DST: variants seen among roughly 807,000 people sequenced by gnomAD.
DST encodes the protein dystonin.
Under a neutral mutation model 875.2 loss-of-function variants are expected in DST, and 253 were observed. The observed-to-expected ratio is 0.29, with a 90% CI of 0.26 to 0.32. The LOEUF (loss-of-function observed/expected upper bound fraction) is 0.32, where lower values mean the gene tolerates loss of function less well. Ranked by LOEUF, DST falls within the 10% of genes least tolerant of loss-of-function variation. DST has a pLI of 1.00. For synonymous variants in DST, 3,124 were observed against 3,197.1 expected (o/e 0.98, Z 0.77); for missense variants, 8,287 against 9,111.6 (o/e 0.91, Z 3.68).
chr6:56,745,004 T>C (rs566389268), intron 4 of DST, among the ~76,000 whole-genome samples: 1 of 152,312 alleles, frequency 6.6e-6, no homozygotes, highest in East Asian at 1.9e-4. Context: ...CTGTGACTTA[T>C]CTCTGTGGAA....
chr6:56,492,478 G>A, intron 84 of DST, 45 bp from the exon 85 acceptor site: 1 of 1,556,810 alleles, frequency 6.4e-7, no homozygotes, highest in Middle Eastern at 1.8e-4. Flanking sequence ...ATGAAAATCA[G>A]ATCAATCTTA....
chr6:56,733,858 CACA>C (rs1468178760), intron 5 of DST, among the ~76,000 whole-genome samples: 1 of 151,792 alleles, frequency 6.6e-6, no homozygotes, highest in Non-Finnish European at 1.5e-5. Flanking sequence ...TTCTTGGAGT[CACA>C]ACAAGGGTGA....
rs569544365 is a variant in DST, at chr6:56,477,038, C to T, written c.21675+307G>A. Among the ~76,000 whole-genome samples, 419 of 152,132 alleles carry T rather than the reference C, an allele frequency of 2.8e-3. 1 individual carries two copies. The highest frequency in any genetic ancestry group is 8.9e-3 in the African/African-American group (368 of 41,508). ...TTCACTCCACCAGTATATACTGCTC[C>T]GAAACACCATCCAACTGCTGGATTA... is the stretch of plus-strand genomic sequence containing the variant. On this transcript the variant is annotated intron_variant, in intron 91 of 103. Coordinates refer to ENST00000680361, the MANE Select transcript of DST (RefSeq NM_001374736.1).
At chr6:56,617,504 G>T in intron 36 of DST, 1 of 1,229,092 alleles carries the variant, frequency 8.1e-7, no homozygotes, top group South Asian at 1.2e-5. Flanking sequence ...ATAATTCTTT[G>T]AATTACAAAG....
In DST at chr6:56,492,995, T is replaced by C. The variant is rs757282840; in HGVS notation, c.20489A>G (p.Asn6830Ser). ...GATGAGACTTGGCCGAGAAGCTACA[T>C]TTAGGGTCTGTTCAGCCTGAGTAAG... ...NWLTQAEQTL[N>S]VASRPSLILD... The change falls in exon 84 of 104, where the codon AAT (asparagine) becomes AGT (serine). Residue 6830 changes from asparagine (N) to serine (S), a missense_variant. Around this residue, in one of 10 missense-constraint regions of DST, gnomAD observed 1,292 missense variants for 1,552.7 expected, o/e 0.83. Coordinates refer to ENST00000680361, the MANE Select transcript of DST (RefSeq NM_001374736.1). 3 of 1,612,640 alleles carry C rather than the reference T, an allele frequency of 1.9e-6. No homozygotes were observed. Among genetic ancestry groups the C allele is most frequent in the East Asian group, 4.5e-5 (2 of 44,858 alleles).
intron 3 of DST, among the ~76,000 whole-genome samples, chr6:56,894,564 G>A (rs1195619015): frequency 4.6e-4 from 25 of 54,678 alleles, no homozygotes; most frequent in South Asian, 1.1e-3. Context: ...GGACGGGGCG[G>A]CTGGCCGGGC....
At chr6:56,791,852 G>T (rs1470306628) in intron 4 of DST, among the ~76,000 whole-genome samples, 1 of 151,054 alleles carries the variant, frequency 6.6e-6, no homozygotes, top group East Asian at 1.9e-4. Context: ...CCTATTGAAA[G>T]GGTATGGATA....
chr6:56,913,413 C>G lies in DST; in HGVS notation c.217-12792G>C, dbSNP rs116146001. On this transcript the variant is annotated intron_variant, in intron 2 of 103. Coordinates refer to ENST00000680361, the MANE Select transcript of DST (RefSeq NM_001374736.1). ...CTGATATGTGCTCTCCACCAAAGGTCAGCAAACTATCACTCTTCGGACAAA... is the reference window on the plus strand; with the variant it reads ...CTGATATGTGCTCTCCACCAAAGGTGAGCAAACTATCACTCTTCGGACAAA... Among the ~76,000 whole-genome samples the G allele has an allele frequency of 4.2e-3, 638 of 152,310 alleles. 2 individuals are homozygous for G. The highest frequency in any genetic ancestry group is 0.015 in the African/African-American group (608 of 41,558).
intron 9 of DST, among the ~76,000 whole-genome samples, chr6:56,674,982 G>A (rs1265839267): frequency 6.6e-6 from 1 of 152,088 alleles, no homozygotes; most frequent in Non-Finnish European, 1.5e-5. Flanking sequence ...GAACAAACCT[G>A]GAAGCGTCAC....
intron 10 of DST, among the ~76,000 whole-genome samples, chr6:56,668,722 C>T (rs1479390278): frequency 1.3e-5 from 2 of 152,018 alleles, no homozygotes; most frequent in Non-Finnish European, 2.9e-5. Context: ...GAGCTGAGAT[C>T]ATGCCATTGC....
Position 56,529,470 on chromosome 6 carries a change from CATAGCCCCTCAG to C in DST, c.17561_17572del (p.Thr5854_Trp5858delinsArg). ...TACCCGAAGTTCAGACTGCTGCTTC[CATAGCCCCTCAG>C]TGCTGTAATCCTGGACTGAGAGCTT... is the stretch of plus-strand genomic sequence containing the variant. On this transcript the variant is annotated inframe_deletion, in exon 66 of 104. Transcript: ENST00000680361. 6.6e-7 allele frequency: 1 copy of C among 1,514,698 alleles called. No individual in the cohort carries two copies. The highest frequency in any genetic ancestry group is 8.8e-7 in the Non-Finnish European group (1 of 1,130,074). 93.8% of individuals were successfully genotyped at this position (1,514,698 alleles called of 1,614,324 possible).
chr6:56,923,447 T>G (rs1592541101), intron 2 of DST, among the ~76,000 whole-genome samples: 1 of 116,042 alleles, frequency 8.6e-6, no homozygotes, highest in Non-Finnish European at 1.6e-5. Context: ...TGGATGCTGG[T>G]AAACCGGCTC....
rs185088107 is a variant in DST at position 56,741,873 on chromosome 6, T to C, written c.626-6584A>G. On this transcript the variant is annotated intron_variant, in intron 4 of 103. Transcript: ENST00000680361. ...AGATTAAGTTTTCAATAAAAATATATATTTATATCCCCCTTATAAAGTGTA... is the reference window on the plus strand; with the variant it reads ...AGATTAAGTTTTCAATAAAAATATACATTTATATCCCCCTTATAAAGTGTA... 2.6e-5 allele frequency among the ~76,000 whole-genome samples: 4 copies of C among 152,350 alleles called. No homozygotes were observed. In the East Asian group the frequency reaches 7.7e-4, roughly 29 times the overall value.
chr6:56,462,086 A>C (rs545686436), intron 102 of DST: 2 of 152,326 alleles, frequency 1.3e-5, no homozygotes, highest in East Asian at 1.9e-4. Context: ...AAAAGTTATT[A>C]TATTACTTTT....
At chr6:56,751,665 G>A (rs893107491) in intron 4 of DST, among the ~76,000 whole-genome samples, 6 of 152,074 alleles carry the variant, frequency 3.9e-5, no homozygotes, top group African/African-American at 1.4e-4. Flanking sequence ...AGAGAATAGA[G>A]AACCACCATG....
In DST at chr6:56,482,942, T is replaced by C. The variant is rs2095445556; in HGVS notation, c.21208-65A>G. On this transcript the variant is annotated intron_variant, in intron 88 of 103. Transcript: ENST00000680361. ...AAACCAAAACAGCAACACATACTGT[T>C]TGAGATATATATGTGCACATAACAT... The C allele has an allele frequency of 5.5e-6, 7 of 1,263,776 alleles. No individual in the cohort carries two copies. The Admixed American group carries it at 1.8e-4, about 32-fold the overall frequency. The allele number at this position is 1,263,776 out of a possible 1,614,324, so 78.3% of individuals were successfully genotyped here. A position where few individuals can be genotyped will look rare whatever the true frequency, so the allele number is the denominator to read the frequency against.
intron 36 of DST, chr6:56,620,510 T>C (rs772232285): frequency 6.2e-7 from 1 of 1,614,142 alleles, no homozygotes. Flanking sequence ...ATTTCTCTGC[T>C]GCTTTCTCAA....
At chr6:56,789,331 A>G (rs926789734) in intron 4 of DST, among the ~76,000 whole-genome samples, 8 of 152,174 alleles carry the variant, frequency 5.3e-5, no homozygotes, top group African/African-American at 1.9e-4. Flanking sequence ...GAAACCCTGC[A>G]CCTAAAAAAT....
At chr6:56,506,620 A>G in intron 76 of DST, 47 bp downstream of exon 76, 1 of 1,610,122 alleles carries the variant, frequency 6.2e-7, no homozygotes, top group South Asian at 1.1e-5. Flanking sequence ...TATTTTAGTT[A>G]ACTAAAAACT....
Sources: allele counts gnomAD v4.1 joint callset (sites outside exome capture counted in the v4.1 genomes callset), GRCh38; gene constraint gnomAD v4.1.1; regional missense constraint gnomAD v4.1.1; transcripts MANE v1.5; gene names NCBI Gene and HGNC (gene_info 2026-07-23, HGNC 2026-07-21).